The following KCMF1 variants were observed in gnomAD, a reference collection of about 807,000 sequenced individuals.
The protein encoded by KCMF1 is potassium channel modulatory factor 1.
In KCMF1, 3 loss-of-function variants were observed where a neutral mutation model predicts 41.1. The observed-to-expected ratio is 0.07, with a 90% CI of 0.03 to 0.19. The LOEUF (loss-of-function observed/expected upper bound fraction) is 0.19. Ranked by LOEUF, KCMF1 falls within the 10% of genes least tolerant of loss-of-function variation. The pLI, the probability that KCMF1 is intolerant of heterozygous loss-of-function variation, is 1.00. For synonymous variants in KCMF1, 142 were observed against 164.5 expected, an observed-to-expected ratio of 0.86 and a Z score of 1.04; for missense variants, 286 against 488.9, an observed-to-expected ratio of 0.58 and a Z score of 3.91.
At chr2:85,034,354 C>T (rs1451215514) in intron 2 of KCMF1, among the ~76,000 whole-genome samples, 1 of 152,050 alleles carries the variant, frequency 6.6e-6, no homozygotes, top group Admixed American at 6.6e-5. Context: ...CACATTTGTC[C>T]CTGTTACATG....
chr2:85,055,234 T>G lies in KCMF1; in HGVS notation c.*1825T>G, dbSNP rs543890628. 5 of 152,380 alleles carry G rather than the reference T, an allele frequency of 3.3e-5. No individual in the cohort carries two copies. Among genetic ancestry groups the G allele is most frequent in the Middle Eastern group, 3.4e-3 (1 of 294 alleles). 9.4% of individuals were successfully genotyped at this position (152,380 alleles called of 1,614,324 possible). A position where few individuals can be genotyped will look rare whatever the true frequency, so the allele number is the denominator to read the frequency against. On this transcript the variant is annotated 3_prime_UTR_variant, in exon 7 of 7. Transcript: ENST00000409785. Reference sequence around the variant, plus strand: ...AGTCACACATTTCAATAAAGCATTTTCAAGACTGTTGACCACTTGAATTTC... The same window carrying G: ...AGTCACACATTTCAATAAAGCATTTGCAAGACTGTTGACCACTTGAATTTC...
Position 85,049,216 on chromosome 2 carries a change from C to T in KCMF1, c.602-150C>T, listed in dbSNP as rs116087442. On this transcript the variant is annotated intron_variant, in intron 5 of 6. Coordinates refer to ENST00000409785, the MANE Select transcript of KCMF1 (RefSeq NM_020122.5). ...GTAACTCCTGCCTTCAGGAGGCATT[C>T]TAGAAGGATTCAGCTCTTAAACTGT... 3.3e-3 allele frequency: 2,421 copies of T among 722,958 alleles called. 31 individuals carry two copies. The African/African-American group carries it at 0.036, about 11-fold the overall frequency. The allele number at this position is 722,958 out of a possible 1,614,324, so 44.8% of individuals were successfully genotyped here.
At chr2:84,993,228 A>G (rs1674090124) in intron 1 of KCMF1, among the ~76,000 whole-genome samples, 1 of 151,990 alleles carries the variant, frequency 6.6e-6, no homozygotes, top group South Asian at 2.1e-4. Context: ...AAACAAAACA[A>G]AACAAAAAAA....
intron 1 of KCMF1, among the ~76,000 whole-genome samples, chr2:84,978,647 A>G (rs1673617539): frequency 6.6e-6 from 1 of 151,966 alleles, no homozygotes; most frequent in African/African-American, 2.4e-5. Flanking sequence ...CCCAGGTTCA[A>G]TAAATTCTCC....
intron 5 of KCMF1, among the ~76,000 whole-genome samples, chr2:85,047,368 T>C (rs149508426): frequency 0.011 from 1,643 of 152,318 alleles, 15 homozygotes; most frequent in Non-Finnish European, 0.017. Flanking sequence ...GTCACAGATT[T>C]ATGCCTATCT....
intron 1 of KCMF1, among the ~76,000 whole-genome samples, chr2:85,005,103 C>T (rs375634442): frequency 1.3e-5 from 2 of 152,126 alleles, no homozygotes; most frequent in South Asian, 2.1e-4. Context: ...GACAGGGTTT[C>T]ACCACGTTGG....
chr2:84,998,661 T>TA (rs772497541), intron 1 of KCMF1, among the ~76,000 whole-genome samples: 9 of 148,670 alleles, frequency 6.1e-5, no homozygotes, highest in Admixed American at 1.3e-4. Context: ...AGTGCAGTGA[T>TA]ACGTGATCCC....
chr2:84,974,691 ATTTTTTTTTTTT>A (rs869056943), intron 1 of KCMF1, among the ~76,000 whole-genome samples: 8 of 14,682 alleles, frequency 5.4e-4, no homozygotes, highest in African/African-American at 1.4e-3. Flanking sequence ...ATATATATAT[ATTTTTTTTTTTT>A]TTTTTTTTTT....
intron 1 of KCMF1, among the ~76,000 whole-genome samples, chr2:84,987,563 G>A (rs979237244): frequency 6.6e-6 from 1 of 152,164 alleles, no homozygotes; most frequent in African/African-American, 2.4e-5. Context: ...TAGGAGGGGA[G>A]AGACAGGAAA....
rs61203132 is a variant in KCMF1 at position 84,979,964 on chromosome 2, A to C, written c.16+8497A>C. 8.4e-3 allele frequency among the ~76,000 whole-genome samples: 1,271 copies of C among 151,268 alleles called. 16 individuals carry two copies. The highest frequency in any genetic ancestry group is 0.03 in the African/African-American group (1,222 of 41,298). The stretch of plus-strand genomic sequence containing the variant: ...CAGCCTCCCAAGTAGCTGGGATTAC[A>C]GGCATGCGCCACCACGCCCGGCTAA... On this transcript the variant is annotated intron_variant, in intron 1 of 6. Coordinates refer to ENST00000409785, the MANE Select transcript of KCMF1 (RefSeq NM_020122.5).
chr2:85,000,262 A>G (rs887636687), intron 1 of KCMF1, among the ~76,000 whole-genome samples: 2 of 152,022 alleles, frequency 1.3e-5, no homozygotes, highest in Admixed American at 1.3e-4. Flanking sequence ...AGTAGCTGGG[A>G]CTACAGGTGC....
chr2:85,032,914 C>T (rs1675310908), intron 2 of KCMF1, among the ~76,000 whole-genome samples: 1 of 152,132 alleles, frequency 6.6e-6, no homozygotes, highest in Non-Finnish European at 1.5e-5. Flanking sequence ...GTCTGGATGC[C>T]TTTCATTTAC....
At chr2:84,982,740 T>G (rs1031005484) in intron 1 of KCMF1, among the ~76,000 whole-genome samples, 1 of 152,084 alleles carries the variant, frequency 6.6e-6, no homozygotes, top group Non-Finnish European at 1.5e-5. Flanking sequence ...GAGTTGAGGA[T>G]GGTTGGATGG....
At chr2:85,046,371 T>C in intron 5 of KCMF1, 93 bp downstream of exon 5, 2 of 943,728 alleles carry the variant, frequency 2.1e-6, no homozygotes, top group Non-Finnish European at 3.2e-6. Context: ...GGCTCACACC[T>C]TTAATCCCAG....
At chr2:85,008,363 T>TATATAATATATATCATATATA (rs1558573608) in intron 1 of KCMF1, among the ~76,000 whole-genome samples, 3 of 13,444 alleles carry the variant, frequency 2.2e-4, no homozygotes, top group Non-Finnish European at 4.5e-4. Flanking sequence ...TAATATATAT[T>TATATAATATATATCATATATA]ATATATCATA....
chr2:85,022,423 G>A (rs1303383993), intron 1 of KCMF1, among the ~76,000 whole-genome samples: 1 of 152,110 alleles, frequency 6.6e-6, no homozygotes. Context: ...GTAGTGAGCC[G>A]AGATTGTGCA....
chr2:84,998,592 TTTACTTACTTAC>T (rs546940355), intron 1 of KCMF1, among the ~76,000 whole-genome samples: 2 of 151,278 alleles, frequency 1.3e-5, no homozygotes, highest in Non-Finnish European at 2.9e-5. Flanking sequence ...TATTTATTTA[TTTACTTACTTAC>T]TTACTTACTT....
chr2:84,978,988 C>A (rs918041162), intron 1 of KCMF1, among the ~76,000 whole-genome samples: 1 of 151,844 alleles, frequency 6.6e-6, no homozygotes, highest in Non-Finnish European at 1.5e-5. Flanking sequence ...TGCTAGGATA[C>A]AGGCATGAGC....
intron 4 of KCMF1, 52 bp from the exon 5 acceptor site, chr2:85,046,051 AT>A (rs1217124716): frequency 5.5e-6 from 8 of 1,459,264 alleles, no homozygotes; most frequent in Non-Finnish European, 7.5e-6. Context: ...GACTCAGGTG[AT>A]TTTTTTTCTT....
Sources: gnomAD v4.1 joint callset for allele counts (sites outside exome capture counted in the v4.1 genomes callset) on GRCh38, gnomAD v4.1.1 for gene constraint, MANE v1.5 for transcripts, NCBI Gene and HGNC (gene_info 2026-07-23, HGNC 2026-07-21) for gene names.